The following DPY19L2 variants were observed in gnomAD, a reference collection of about 807,000 sequenced individuals.
DPY19L2 encodes the protein dpy-19 like 2.
In DPY19L2, 34 loss-of-function variants were observed where a neutral mutation model predicts 97.9. The observed-to-expected ratio is 0.35, with a 90% CI of 0.26 to 0.46. The LOEUF (loss-of-function observed/expected upper bound fraction) is 0.46. DPY19L2 is among the 20% of genes least tolerant of loss of function. The probability of loss-of-function intolerance (pLI) is 1.00; values close to 1 mark genes in which losing one functional copy is unlikely to be tolerated. For synonymous variants in DPY19L2, 230 were observed against 307.9 expected (o/e 0.75, Z 2.65); for missense variants, 623 against 911.4 (o/e 0.68, Z 4.07).
At chr12:63,655,743 T>TC (rs998982232) in intron 4 of DPY19L2, among the ~76,000 whole-genome samples, 7 of 130,348 alleles carry the variant, frequency 5.4e-5, no homozygotes, top group Non-Finnish European at 9.7e-5. Context: ...TAAGGAAGGG[T>TC]CGGGGGGTGG....
intron 11 of DPY19L2, among the ~76,000 whole-genome samples, chr12:63,616,478 C>T (rs1206478514): frequency 1.2e-4 from 18 of 152,000 alleles, no homozygotes; most frequent in Non-Finnish European, 1.2e-4. Flanking sequence ...CTGCACCATA[C>T]ATGGAAAAGT....
intron 19 of DPY19L2, among the ~76,000 whole-genome samples, chr12:63,575,321 T>C (rs1487740338): frequency 6.6e-6 from 1 of 151,880 alleles, no homozygotes; most frequent in Non-Finnish European, 1.5e-5. Flanking sequence ...GCAAAAGCAG[T>C]ATTAAGAGGG....
chr12:63,645,445 T>A (rs1192497963), intron 5 of DPY19L2, among the ~76,000 whole-genome samples: 1 of 152,114 alleles, frequency 6.6e-6, no homozygotes, highest in Non-Finnish European at 1.5e-5. Flanking sequence ...GCTCCAATGA[T>A]CTATATACAG....
chr12:63,651,444 T>C (rs1395958114), intron 4 of DPY19L2, among the ~76,000 whole-genome samples: 1 of 152,018 alleles, frequency 6.6e-6, no homozygotes, highest in Non-Finnish European at 1.5e-5. Flanking sequence ...CAAAAGAAAC[T>C]ACCAAGGGAG....
intron 19 of DPY19L2, among the ~76,000 whole-genome samples, chr12:63,576,926 G>GA (rs202177170): frequency 0.029 from 4,485 of 152,072 alleles, 103 homozygotes; most frequent in Middle Eastern, 0.082. Context: ...CACAGAGATA[G>GA]AAAAAACTAT....
chr12:63,616,330 T>C (rs1887817540), intron 11 of DPY19L2, among the ~76,000 whole-genome samples: 1 of 152,164 alleles, frequency 6.6e-6, no homozygotes, highest in African/African-American at 2.4e-5. Context: ...TACTCTGTAA[T>C]GGTGAAATAG....
At chr12:63,585,912 A>G (rs555688783) in intron 16 of DPY19L2, among the ~76,000 whole-genome samples, 1 of 152,276 alleles carries the variant, frequency 6.6e-6, no homozygotes, top group South Asian at 2.1e-4. Flanking sequence ...AGAAAAATAT[A>G]TTTGCCTAAT....
chr12:63,662,028 AC>A (rs1428791259), intron 3 of DPY19L2, among the ~76,000 whole-genome samples: 1 of 152,164 alleles, frequency 6.6e-6, no homozygotes, highest in African/African-American at 2.4e-5. Flanking sequence ...GTGTCAATTG[AC>A]TATTGTTGCT....
chr12:63,640,165 C>T lies in DPY19L2; in HGVS notation c.803+4238G>A, dbSNP rs145827502. ...GAATTGAACAATGAGAACACTTGGACGCAGTTTGGGGAACATCACACACCG... is the reference window on the plus strand; with the variant it reads ...GAATTGAACAATGAGAACACTTGGATGCAGTTTGGGGAACATCACACACCG... On this transcript the variant is annotated intron_variant, in intron 6 of 21. Transcript: ENST00000324472. Among the ~76,000 whole-genome samples the T allele has an allele frequency of 4.3e-3, 651 of 152,064 alleles. 11 individuals carry two copies. Among genetic ancestry groups the T allele is most frequent in the African/African-American group, 0.015 (608 of 41,462 alleles).
At chr12:63,588,024 AC>A (rs1882117703) in intron 16 of DPY19L2, among the ~76,000 whole-genome samples, 1 of 152,166 alleles carries the variant, frequency 6.6e-6, no homozygotes, top group Non-Finnish European at 1.5e-5. Context: ...AAAAGTTATA[AC>A]TTTAAATGTA....
In DPY19L2 at chr12:63,668,017, C is replaced by T. The variant is rs1406704435; in HGVS notation, c.337+40G>A. ...CTCCTTCAAGACTCAAGAAAAGCGC[C>T]ATGCGGCTCCCTCCTAGGGCTCTCC... On this transcript the variant is annotated intron_variant, in intron 1 of 21. Transcript: ENST00000324472. 3 of 1,576,264 alleles carry T rather than the reference C, an allele frequency of 1.9e-6. No individual in the cohort carries two copies. The Admixed American group carries it at 5.6e-5, about 29-fold the overall frequency.
At chr12:63,562,064 A>G (rs577850225) in intron 21 of DPY19L2, among the ~76,000 whole-genome samples, 2 of 152,258 alleles carry the variant, frequency 1.3e-5, no homozygotes, top group African/African-American at 2.4e-5. Flanking sequence ...AGTTCTTTGT[A>G]TATTATGGGT....
chr12:63,668,732 C>G (rs1352923757), upstream of DPY19L2: 16 of 326,198 alleles, frequency 4.9e-5, no homozygotes, highest in Non-Finnish European at 8.0e-5. Context: ...GCGCGCAGGC[C>G]CCAAGCCCAC....
intron 6 of DPY19L2, among the ~76,000 whole-genome samples, chr12:63,629,883 C>G (rs1175207500): frequency 6.6e-6 from 1 of 152,156 alleles, no homozygotes; most frequent in South Asian, 2.1e-4. Context: ...AGAAACTCTA[C>G]AAGCCAGAAG....
At chr12:63,648,261 C>A (rs1405081417) in intron 4 of DPY19L2, among the ~76,000 whole-genome samples, 1 of 152,086 alleles carries the variant, frequency 6.6e-6, no homozygotes, top group African/African-American at 2.4e-5. Context: ...ATATAAATTT[C>A]TATTCTTTAT....
At chr12:63,629,536 A>C (rs1205416142) in intron 6 of DPY19L2, among the ~76,000 whole-genome samples, 1 of 152,154 alleles carries the variant, frequency 6.6e-6, no homozygotes, top group Non-Finnish European at 1.5e-5. Flanking sequence ...AAAAGAAACA[A>C]ACAAAGCCTC....
intron 12 of DPY19L2, among the ~76,000 whole-genome samples, chr12:63,604,496 G>A (rs1368933463): frequency 6.6e-6 from 1 of 151,844 alleles, no homozygotes; most frequent in East Asian, 1.9e-4. Context: ...TAGATCTTTT[G>A]TTACTACACC....
chr12:63,569,386 T>C (rs1251380683), intron 20 of DPY19L2, 37 bp from the exon 21 acceptor site: 4 of 1,456,054 alleles, frequency 2.7e-6, no homozygotes, highest in Non-Finnish European at 3.7e-6. Flanking sequence ...GATTTTAAAA[T>C]AAATGATAAT....
rs1200362702 is a variant in DPY19L2, at chr12:63,612,783, A to T, written c.1219-4108T>A. Among the ~76,000 whole-genome samples the T allele has an allele frequency of 3.3e-5, 5 of 151,932 alleles. No homozygotes were observed. In the East Asian group the frequency reaches 9.6e-4, roughly 29 times the overall value. ...ATAAAATTGATATACCTCTAACCAG[A>T]CTGATCAGAAAAAAAAATAGAACAC... On this transcript the variant is annotated intron_variant, in intron 11 of 21. Coordinates refer to ENST00000324472, the MANE Select transcript of DPY19L2 (RefSeq NM_173812.5).
Sources: gnomAD v4.1 joint callset for allele counts (sites outside exome capture counted in the v4.1 genomes callset) on GRCh38, gnomAD v4.1.1 for gene constraint, MANE v1.5 for transcripts, NCBI Gene and HGNC (gene_info 2026-07-23, HGNC 2026-07-21) for gene names.